Variants in GTF2A1L observed in about 807,000 individuals in gnomAD.
GTF2A1L encodes the protein general transcription factor IIA subunit 1 like.
Under a neutral mutation model 49.7 loss-of-function variants are expected in GTF2A1L, and 48 were observed. That is an observed-to-expected ratio of 0.97 (90% CI 0.77 to 1.23). The LOEUF (loss-of-function observed/expected upper bound fraction) is 1.23, where lower values mean the gene tolerates loss of function less well. Ranked by LOEUF, GTF2A1L falls within the 50% of genes most tolerant of loss-of-function variation. The pLI, the probability that GTF2A1L is intolerant of heterozygous loss-of-function variation, is 0.00. For synonymous variants in GTF2A1L, 246 were observed against 193.5 expected (o/e 1.27, Z -2.25); for missense variants, 736 against 564.8 (o/e 1.30, Z -3.07).
intron 6 of GTF2A1L, among the ~76,000 whole-genome samples, chr2:48,656,185 G>A (rs1051458491): frequency 7.9e-5 from 12 of 151,578 alleles, no homozygotes; most frequent in African/African-American, 2.4e-4. Flanking sequence ...TAATTTTTTC[G>A]GATATATATG....
At chr2:48,626,366 G>T (rs1465464158) in intron 3 of GTF2A1L, among the ~76,000 whole-genome samples, 1 of 142,898 alleles carries the variant, frequency 7.0e-6, no homozygotes, top group African/African-American at 2.5e-5. Flanking sequence ...AATGTGTTCT[G>T]TTGTTCCATA....
chr2:48,619,480 A>AAT (rs1675854445), intron 1 of GTF2A1L, among the ~76,000 whole-genome samples: 6 of 150,100 alleles, frequency 4.0e-5, no homozygotes, highest in Non-Finnish European at 5.9e-5. Context: ...AAAAAAAAAA[A>AAT]AATAATAATA....
chr2:48,637,461 A>G lies in GTF2A1L; in HGVS notation c.248-4941A>G, dbSNP rs112847910. Among the ~76,000 whole-genome samples the G allele has an allele frequency of 2.7e-3, 418 of 152,290 alleles. 4 individuals carry two copies. Among genetic ancestry groups the G allele is most frequent in the African/African-American group, 9.8e-3 (407 of 41,548 alleles). On this transcript the variant is annotated intron_variant, in intron 3 of 8. Coordinates refer to ENST00000403751, the MANE Select transcript of GTF2A1L (RefSeq NM_006872.5). ...GATACAATATACCAGAATCTCTGGG[A>G]CACAGCTAAGGCAGTGTTAAGAGGG...
rs140680813 is a variant in GTF2A1L at position 48,660,063 on chromosome 2, A to G, written c.979-9659A>G. Among the ~76,000 whole-genome samples, 27 of 148,494 alleles carry G rather than the reference A, an allele frequency of 1.8e-4. No homozygotes were observed. In the East Asian group the frequency reaches 5.4e-3, roughly 29 times the overall value. ...TTGTCCTTTCCTTCTTTCTAATCTT[A>G]GAGATTTCAGGGGTTTACCATTCAG... On this transcript the variant is annotated intron_variant, in intron 6 of 8. Coordinates refer to ENST00000403751, the MANE Select transcript of GTF2A1L (RefSeq NM_006872.5).
chr2:48,641,573 CA>C (rs1677200446), intron 3 of GTF2A1L, among the ~76,000 whole-genome samples: 1 of 152,104 alleles, frequency 6.6e-6, no homozygotes, highest in Non-Finnish European at 1.5e-5. Context: ...GACATTCTAA[CA>C]GCTATATTTA....
intron 6 of GTF2A1L, among the ~76,000 whole-genome samples, chr2:48,656,321 C>T (rs1355097028): frequency 1.3e-5 from 2 of 148,274 alleles, no homozygotes; most frequent in East Asian, 2.0e-4. Context: ...TCTGATTTCT[C>T]CATATCCCCA....
At chr2:48,634,743 A>G (rs1382392726) in intron 3 of GTF2A1L, among the ~76,000 whole-genome samples, 4 of 152,170 alleles carry the variant, frequency 2.6e-5, no homozygotes, top group Non-Finnish European at 4.4e-5. Flanking sequence ...CCTGGCTTGT[A>G]AGGTTTCTGC....
intron 4 of GTF2A1L, 106 bp from the exon 5 acceptor site, chr2:48,644,927 A>G: frequency 1.0e-6 from 1 of 952,804 alleles, no homozygotes; most frequent in Non-Finnish European, 1.5e-6. Flanking sequence ...AAGTATTGTC[A>G]AACTATTGTC....
At chr2:48,657,303 G>T (rs960697844) in intron 6 of GTF2A1L, among the ~76,000 whole-genome samples, 2 of 152,050 alleles carry the variant, frequency 1.3e-5, no homozygotes, top group African/African-American at 2.4e-5. Context: ...CCACCACTGG[G>T]TGTCCGTATG....
At chr2:48,642,266 G>A (rs1677239589) in intron 3 of GTF2A1L, 136 bp from the exon 4 acceptor site, 1 of 808,618 alleles carries the variant, frequency 1.2e-6, no homozygotes, top group Non-Finnish European at 1.8e-6. Flanking sequence ...ACCGCACTTG[G>A]AATCAGGAAG....
intron 6 of GTF2A1L, among the ~76,000 whole-genome samples, chr2:48,647,328 T>C (rs1677579027): frequency 6.6e-6 from 1 of 152,182 alleles, no homozygotes. Context: ...ATTGTTGTTT[T>C]TAGTATAACT....
At chr2:48,650,644 A>G (rs1056636979) in intron 6 of GTF2A1L, among the ~76,000 whole-genome samples, 2 of 152,190 alleles carry the variant, frequency 1.3e-5, no homozygotes, top group African/African-American at 2.4e-5. Flanking sequence ...TATCAAAATC[A>G]GAGATGTTTA....
At chr2:48,634,164 G>A (rs952223605) in intron 3 of GTF2A1L, among the ~76,000 whole-genome samples, 6 of 152,200 alleles carry the variant, frequency 3.9e-5, no homozygotes, top group African/African-American at 1.4e-4. Flanking sequence ...TCAGGCTGGA[G>A]TGCAGTGGCA....
chr2:48,654,653 G>A (rs1678068767), intron 6 of GTF2A1L, among the ~76,000 whole-genome samples: 1 of 152,170 alleles, frequency 6.6e-6, no homozygotes, highest in African/African-American at 2.4e-5. Flanking sequence ...CAAAGTGCTG[G>A]GGAAACAGGG....
At chr2:48,622,945 G>C (rs995183878) in intron 3 of GTF2A1L, among the ~76,000 whole-genome samples, 1 of 127,664 alleles carries the variant, frequency 7.8e-6, no homozygotes, top group Admixed American at 8.3e-5. Context: ...AATAACAAAA[G>C]TCTTGCAACT....
intron 6 of GTF2A1L, among the ~76,000 whole-genome samples, chr2:48,662,307 A>T (rs11125178): frequency 0.56 from 85,188 of 152,094 alleles, 25,845 homozygotes; most frequent in East Asian, 0.93. Context: ...AATTATGTTA[A>T]CACTGATTTA....
intron 3 of GTF2A1L, 26 bp downstream of exon 3, chr2:48,621,316 CT>C (rs1675988576): frequency 6.2e-7 from 1 of 1,613,308 alleles, no homozygotes; most frequent in African/African-American, 1.3e-5. Flanking sequence ...TAAATGAGTA[CT>C]GTTAGTATCT....
At chr2:48,619,461 C>G (rs1350163991) in intron 1 of GTF2A1L, among the ~76,000 whole-genome samples, 3 of 144,568 alleles carry the variant, frequency 2.1e-5, no homozygotes, top group African/African-American at 7.6e-5. Flanking sequence ...CAGAGCAAGA[C>G]TCCATCTCAA....
At chr2:48,673,550 G>A (rs956550562) in intron 8 of GTF2A1L, among the ~76,000 whole-genome samples, 2 of 151,876 alleles carry the variant, frequency 1.3e-5, no homozygotes, top group African/African-American at 4.8e-5. Flanking sequence ...TTTTAGTAGA[G>A]ATGGGGTTTC....
Sources: allele counts gnomAD v4.1 joint callset (sites outside exome capture counted in the v4.1 genomes callset), GRCh38; gene constraint gnomAD v4.1.1; transcripts MANE v1.5; gene names NCBI Gene and HGNC (gene_info 2026-07-23, HGNC 2026-07-21).